PRKACB: variants seen among roughly 807,000 people sequenced by gnomAD.
The protein encoded by PRKACB is cAMP-dependent protein kinase catalytic subunit beta.
In PRKACB, 16 loss-of-function variants were observed where a neutral mutation model predicts 51.4. The observed-to-expected ratio is 0.31, with a 90% confidence interval of 0.21 to 0.47. The LOEUF is 0.47. Ranked by LOEUF, PRKACB falls within the 20% of genes least tolerant of loss-of-function variation. PRKACB has a pLI of 1.00. For synonymous variants in PRKACB, 147 were observed against 154.4 expected, an observed-to-expected ratio of 0.95 and a Z score of 0.35; for missense variants, 309 against 464.5, an observed-to-expected ratio of 0.67 and a Z score of 3.08.
chr1:84,171,596 A>T (rs1336761583), intron 1 of PRKACB, among the ~76,000 whole-genome samples: 1 of 151,704 alleles, frequency 6.6e-6, no homozygotes, highest in African/African-American at 2.4e-5. Context: ...AAGTATAGGA[A>T]AAGAAAATTA....
chr1:84,107,097 C>G (rs1319720081), intron 1 of PRKACB, among the ~76,000 whole-genome samples: 1 of 151,972 alleles, frequency 6.6e-6, no homozygotes, highest in Non-Finnish European at 1.5e-5. Flanking sequence ...CACAAGTTTA[C>G]CTATATAACA....
chr1:84,181,846 G>A (rs1413696405), intron 2 of PRKACB: 3 of 665,086 alleles, frequency 4.5e-6, no homozygotes, highest in Non-Finnish European at 6.7e-6. Flanking sequence ...TGGTCAGTTT[G>A]TAATTATTAA....
intron 1 of PRKACB, among the ~76,000 whole-genome samples, chr1:84,172,780 CAGAG>C (rs533762908): frequency 1.3e-5 from 2 of 151,550 alleles, no homozygotes; most frequent in South Asian, 4.2e-4. Context: ...TAATAAAACA[CAGAG>C]AGGAAAGAAG....
At chr1:84,173,508 G>A (rs1279281081) in intron 1 of PRKACB, among the ~76,000 whole-genome samples, 1 of 151,620 alleles carries the variant, frequency 6.6e-6, no homozygotes, top group Non-Finnish European at 1.5e-5. Context: ...ATGTGGGGAG[G>A]GGGAGAGTAT....
intron 9 of PRKACB, among the ~76,000 whole-genome samples, chr1:84,221,350 C>T (rs185917476): frequency 2.6e-5 from 4 of 151,312 alleles, no homozygotes; most frequent in East Asian, 1.9e-4. Flanking sequence ...CTTGGTTAGT[C>T]TAGCTAGCAG....
upstream of PRKACB, among the ~76,000 whole-genome samples, chr1:84,142,047 C>G (rs76280225): frequency 0.035 from 5,272 of 152,034 alleles, 121 homozygotes; most frequent in Middle Eastern, 0.082. Flanking sequence ...AAATATGGTC[C>G]CATCATAAAT....
rs1660719183 is a variant in PRKACB, at chr1:84,174,904, A to G, written c.188-4273A>G. ...AACTTATTTGAATACATACAATCAA[A>G]TAATTGAATTTCTACATTAACATTT... is the stretch of plus-strand genomic sequence containing the variant. On this transcript the variant is annotated intron_variant, in intron 1 of 9. Transcript: ENST00000370685. 3.5e-6 allele frequency: 3 copies of G among 851,054 alleles called. No individual in the cohort carries two copies. The South Asian group carries it at 9.6e-5, about 27-fold the overall frequency. The allele number at this position is 851,054 out of a possible 1,614,324, so 52.7% of individuals were successfully genotyped here. A position where few individuals can be genotyped will look rare whatever the true frequency, so the allele number is the denominator to read the frequency against.
At chr1:84,118,515 T>C (rs1016359725) in intron 1 of PRKACB, among the ~76,000 whole-genome samples, 1 of 152,146 alleles carries the variant, frequency 6.6e-6, no homozygotes, top group Non-Finnish European at 1.5e-5. Flanking sequence ...ATAGTATTTC[T>C]GGGTGCTGGG....
At position 84,235,589 on chromosome 1, in the gene PRKACB, A is replaced by G. The variant is rs147184083; in HGVS notation, c.*284A>G. 416 of 295,314 alleles carry G rather than the reference A, an allele frequency of 1.4e-3. 5 individuals carry two copies. The highest frequency in any genetic ancestry group is 3.3e-3 in the East Asian group (43 of 13,032). 18.3% of individuals were successfully genotyped at this position (295,314 alleles called of 1,614,324 possible). On this transcript the variant is annotated 3_prime_UTR_variant, in exon 10 of 10. Transcript: ENST00000370685. The stretch of plus-strand genomic sequence containing the variant: ...CCTATATCCATTTCTTCCTTTTCCA[A>G]TTTCATTGGTTTTCTCTAAACAGTG...
intron 7 of PRKACB, among the ~76,000 whole-genome samples, chr1:84,202,297 G>T (rs1318456182): frequency 6.6e-6 from 1 of 151,910 alleles, no homozygotes; most frequent in African/African-American, 2.4e-5. Flanking sequence ...GCATGCTGTG[G>T]AAAATCTGTT....
At chr1:84,211,314 A>G (rs1672111467) in intron 8 of PRKACB, among the ~76,000 whole-genome samples, 1 of 152,214 alleles carries the variant, frequency 6.6e-6, no homozygotes, top group African/African-American at 2.4e-5. Flanking sequence ...AATGAAAGAG[A>G]TAACTGGTAC....
intron 1 of PRKACB, chr1:84,165,114 G>A (rs2100730108): frequency 2.1e-6 from 2 of 969,436 alleles, no homozygotes; most frequent in Non-Finnish European, 3.0e-6. Context: ...CACAGCTACT[G>A]TGAATTATAT....
intron 5 of PRKACB, among the ~76,000 whole-genome samples, chr1:84,191,050 A>G (rs1471662620): frequency 6.6e-6 from 1 of 151,914 alleles, no homozygotes; most frequent in Non-Finnish European, 1.5e-5. Flanking sequence ...TGAGATTTTG[A>G]TCCTGTTATT....
chr1:84,173,343 G>A, intron 1 of PRKACB: 1 of 1,575,142 alleles, frequency 6.3e-7, no homozygotes, highest in Non-Finnish European at 8.6e-7. Context: ...CAAATCATCA[G>A]ATGCATCTGG....
chr1:84,141,460 A>G (rs912636071), upstream of PRKACB, among the ~76,000 whole-genome samples: 4 of 152,244 alleles, frequency 2.6e-5, no homozygotes, highest in East Asian at 7.7e-4. Flanking sequence ...TCCTGGTCAC[A>G]TTACCACATA....
At chr1:84,096,327 A>G (rs895227502) in intron 1 of PRKACB, among the ~76,000 whole-genome samples, 1 of 152,096 alleles carries the variant, frequency 6.6e-6, no homozygotes, top group South Asian at 2.1e-4. Context: ...GGTGCTTCTC[A>G]CTATCTGTTC....
At chr1:84,125,204 C>G (rs937042659) in intron 1 of PRKACB, among the ~76,000 whole-genome samples, 21 of 152,124 alleles carry the variant, frequency 1.4e-4, no homozygotes, top group Admixed American at 1.4e-3. Context: ...GGACTAGGGT[C>G]TCTGTTTCTT....
chr1:84,197,610 A>AT (rs576879026), intron 6 of PRKACB, 119 bp from the exon 7 acceptor site: 6 of 638,324 alleles, frequency 9.4e-6, no homozygotes, highest in Non-Finnish European at 1.5e-5. Flanking sequence ...CGTGGACTTA[A>AT]TTTTTTTTCC....
At chr1:84,184,950 A>G in intron 4 of PRKACB, 150 bp from the exon 5 acceptor site, 1 of 406,238 alleles carries the variant, frequency 2.5e-6, no homozygotes, top group Non-Finnish European at 4.2e-6. Flanking sequence ...CTCTGTATAG[A>G]AAAGCTAGAG....
Sources: gnomAD v4.1 joint callset for allele counts (sites outside exome capture counted in the v4.1 genomes callset) on GRCh38, gnomAD v4.1.1 for gene constraint, MANE v1.5 for transcripts, NCBI Gene and HGNC (gene_info 2026-07-23, HGNC 2026-07-21) for gene names.